Variants in FHIT observed in about 807,000 individuals in gnomAD.
FHIT encodes the protein bis(5'-adenosyl)-triphosphatase.
In FHIT, 19 loss-of-function variants were observed where a neutral mutation model predicts 17.9. That is an observed-to-expected ratio of 1.06 (90% confidence interval 0.74 to 1.56). The LOEUF is 1.56. Ranked by LOEUF, FHIT falls within the 40% of genes most tolerant of loss-of-function variation. The pLI is 0.00. For synonymous variants in FHIT, 81 were observed against 69.7 expected (o/e 1.16, Z -0.81); for missense variants, 248 against 189.2 (o/e 1.31, Z -1.82).
intron 4 of FHIT, among the ~76,000 whole-genome samples, chr3:60,549,264 T>C (rs562217485): frequency 1.3e-5 from 2 of 152,292 alleles, no homozygotes; most frequent in African/African-American, 4.8e-5. Context: ...GTGACTACTA[T>C]CTCTCCATAT....
chr3:60,071,131 ATAGAG>A (rs1480157829), intron 5 of FHIT, among the ~76,000 whole-genome samples: 2 of 152,074 alleles, frequency 1.3e-5, no homozygotes, highest in African/African-American at 2.4e-5. Context: ...TGCTGTATCA[ATAGAG>A]TAGAGCCACC....
chr3:60,131,004 T>C (rs1364301454), intron 5 of FHIT, among the ~76,000 whole-genome samples: 1 of 94,110 alleles, frequency 1.1e-5, no homozygotes, highest in African/African-American at 4.3e-5. Context: ...CATATATACA[T>C]ATGTGTATAT....
Position 59,806,413 on chromosome 3 carries a change from G to A in FHIT, c.349-54092C>T, listed in dbSNP as rs377467861. ...GAAGAAACTGAACCTAGTTCTTAGA[G>A]CTCTAAATTTATACTCTTTCCAATG... On this transcript the variant is annotated intron_variant, in intron 8 of 9. Coordinates refer to ENST00000492590, the MANE Select transcript of FHIT (RefSeq NM_002012.4). Among the ~76,000 whole-genome samples, 10 of 152,006 alleles carry A rather than the reference G, an allele frequency of 6.6e-5. 1 individual carries two copies. In the East Asian group the frequency reaches 1.9e-3, roughly 29 times the overall value.
At chr3:59,906,459 G>T (rs1380445190) in intron 8 of FHIT, among the ~76,000 whole-genome samples, 1 of 152,158 alleles carries the variant, frequency 6.6e-6, no homozygotes, top group East Asian at 1.9e-4. Context: ...AACACAAAGT[G>T]GATCCAGAAC....
intron 5 of FHIT, among the ~76,000 whole-genome samples, chr3:60,400,188 A>C (rs1323084685): frequency 1.3e-5 from 2 of 152,168 alleles, no homozygotes; most frequent in African/African-American, 2.4e-5. Context: ...ATGAGTTGGA[A>C]TCTGTAGAAC....
At chr3:60,426,242 G>A (rs1702659652) in intron 5 of FHIT, among the ~76,000 whole-genome samples, 1 of 152,128 alleles carries the variant, frequency 6.6e-6, no homozygotes, top group African/African-American at 2.4e-5. Context: ...CTTGCCAAGT[G>A]CTTGCAAATA....
In FHIT at chr3:60,433,889, T is replaced by G. The variant is rs568988947; in HGVS notation, c.103+102971A>C. On this transcript the variant is annotated intron_variant, in intron 5 of 9. Transcript: ENST00000492590. Reference sequence around the variant, plus strand: ...GGTGGCTTTTCCACTCTGTTGACTGTTTCCTTTGCTGTGCAGAAGCATTTC... The same window carrying G: ...GGTGGCTTTTCCACTCTGTTGACTGGTTCCTTTGCTGTGCAGAAGCATTTC... Among the ~76,000 whole-genome samples the G allele has an allele frequency of 2.6e-5, 4 of 152,276 alleles. No individual in the cohort carries two copies. In the South Asian group the frequency reaches 8.3e-4, roughly 32 times the overall value.
At chr3:60,276,261 C>T (rs915145205) in intron 5 of FHIT, among the ~76,000 whole-genome samples, 2 of 152,160 alleles carry the variant, frequency 1.3e-5, no homozygotes, top group Non-Finnish European at 2.9e-5. Flanking sequence ...ACTGGGATTA[C>T]AGGCATGAGC....
intron 5 of FHIT, among the ~76,000 whole-genome samples, chr3:60,166,149 T>A (rs1701161334): frequency 6.6e-6 from 1 of 151,862 alleles, no homozygotes; most frequent in Non-Finnish European, 1.5e-5. Context: ...TTGGCTTGTT[T>A]CTACTGTAAG....
intron 5 of FHIT, among the ~76,000 whole-genome samples, chr3:60,258,586 T>C (rs1375760949): frequency 6.6e-6 from 1 of 152,006 alleles, no homozygotes; most frequent in Non-Finnish European, 1.5e-5. Context: ...AGGGGAAAAA[T>C]ATATTTTCCT....
intron 5 of FHIT, among the ~76,000 whole-genome samples, chr3:60,178,129 A>G (rs994181333): frequency 2.0e-5 from 3 of 152,206 alleles, no homozygotes; most frequent in Non-Finnish European, 4.4e-5. Flanking sequence ...TATTCAGAAG[A>G]ACTGAGGAGG....
chr3:60,346,332 G>C (rs1357763426), intron 5 of FHIT, among the ~76,000 whole-genome samples: 1 of 152,176 alleles, frequency 6.6e-6, no homozygotes, highest in African/African-American at 2.4e-5. Flanking sequence ...CTGATCTGAA[G>C]TCACAAGCCT....
intron 5 of FHIT, among the ~76,000 whole-genome samples, chr3:60,474,690 C>G (rs2033257399): frequency 6.6e-6 from 1 of 151,480 alleles, no homozygotes; most frequent in African/African-American, 2.4e-5. Context: ...GTGGCACAAT[C>G]TCGGCTCACC....
At chr3:61,083,976 G>A (rs2035230032) in intron 2 of FHIT, among the ~76,000 whole-genome samples, 1 of 152,052 alleles carries the variant, frequency 6.6e-6, no homozygotes. Flanking sequence ...GTTTTTTCAT[G>A]TCCTGTTTAA....
At chr3:60,938,151 G>A (rs550667325) in intron 3 of FHIT, among the ~76,000 whole-genome samples, 1 of 152,332 alleles carries the variant, frequency 6.6e-6, no homozygotes, top group South Asian at 2.1e-4. Flanking sequence ...GACAAAAGCA[G>A]TGAGAAAAGC....
At chr3:60,879,846 A>G (rs1259118445) in intron 3 of FHIT, among the ~76,000 whole-genome samples, 1 of 151,892 alleles carries the variant, frequency 6.6e-6, no homozygotes, top group Non-Finnish European at 1.5e-5. Context: ...TAGAGAGAAA[A>G]AAAAATAAGA....
chr3:60,326,697 C>T (rs544983058), intron 5 of FHIT, among the ~76,000 whole-genome samples: 1 of 152,246 alleles, frequency 6.6e-6, no homozygotes, highest in Admixed American at 6.5e-5. Flanking sequence ...AAAAAATGGA[C>T]GATGTCCCCT....
intron 8 of FHIT, among the ~76,000 whole-genome samples, chr3:59,828,277 A>AC (rs1701043499): frequency 6.6e-6 from 1 of 152,264 alleles, no homozygotes; most frequent in Non-Finnish European, 1.5e-5. Flanking sequence ...GCAGTAAAAC[A>AC]CATTTTCTTT....
intron 2 of FHIT, among the ~76,000 whole-genome samples, chr3:61,188,215 A>C: frequency 6.6e-6 from 1 of 152,092 alleles, no homozygotes; most frequent in African/African-American, 2.4e-5. Flanking sequence ...AGAGAGAAGA[A>C]TCAAATAGAT....
Sources: allele counts gnomAD v4.1 joint callset (sites outside exome capture counted in the v4.1 genomes callset), GRCh38; gene constraint gnomAD v4.1.1; transcripts MANE v1.5; gene names NCBI Gene and HGNC (gene_info 2026-07-23, HGNC 2026-07-21).